Variants in PLCB1 observed in about 807,000 individuals in gnomAD.
PLCB1 encodes the protein 1-phosphatidylinositol 4,5-bisphosphate phosphodiesterase beta-1.
Under a neutral mutation model 161.8 loss-of-function variants are expected in PLCB1, and 46 were observed. The ratio of observed to expected loss-of-function variants is 0.28; its 90% CI spans 0.22 to 0.36. The LOEUF is 0.36. Among genes scored for constraint, PLCB1 ranks in the 10% least tolerant of loss-of-function variants. PLCB1 has a pLI of 1.00. For synonymous variants in PLCB1, 517 were observed against 503.7 expected (o/e 1.03, Z -0.35); for missense variants, 1,016 against 1,472.5 (o/e 0.69, Z 5.07).
At chr20:8,827,574 C>G (rs1318764045) in intron 31 of PLCB1, among the ~76,000 whole-genome samples, 1 of 152,186 alleles carries the variant, frequency 6.6e-6, no homozygotes. Context: ...GTTTCTCAGT[C>G]ACACTAGCAC....
chr20:8,254,839 A>G (rs1022461336), intron 2 of PLCB1, among the ~76,000 whole-genome samples: 6 of 152,200 alleles, frequency 3.9e-5, no homozygotes, highest in African/African-American at 1.4e-4. Flanking sequence ...CTTTATCTTG[A>G]ATAATAAAAT....
intron 26 of PLCB1, among the ~76,000 whole-genome samples, chr20:8,772,696 G>A (rs920451641): frequency 2.6e-5 from 4 of 152,140 alleles, no homozygotes; most frequent in African/African-American, 9.7e-5. Context: ...ACTTTGGGAG[G>A]CCGAGGTGGG....
chr20:8,350,069 A>T (rs2122254828), intron 2 of PLCB1, among the ~76,000 whole-genome samples: 1 of 152,298 alleles, frequency 6.6e-6, no homozygotes, highest in East Asian at 1.9e-4. Context: ...AACAATTGGA[A>T]CTTGAAATTT....
chr20:8,532,682 T>C (rs1353986536), intron 3 of PLCB1, among the ~76,000 whole-genome samples: 1 of 152,032 alleles, frequency 6.6e-6, no homozygotes, highest in Non-Finnish European at 1.5e-5. Flanking sequence ...CGGTTACACT[T>C]CCATTTTCAT....
chr20:8,657,617 T>C (rs1175637300), intron 8 of PLCB1, among the ~76,000 whole-genome samples: 3 of 152,086 alleles, frequency 2.0e-5, no homozygotes, highest in Admixed American at 1.3e-4. Context: ...GAACTCTGGA[T>C]TGGGAACCAG....
At chr20:8,619,226 C>G (rs1319226391) in intron 3 of PLCB1, among the ~76,000 whole-genome samples, 1 of 151,988 alleles carries the variant, frequency 6.6e-6, no homozygotes, top group Non-Finnish European at 1.5e-5. Context: ...TGAGACCAGC[C>G]TGACCAACAT....
chr20:8,844,743 C>T (rs753220892), intron 31 of PLCB1, among the ~76,000 whole-genome samples: 1 of 152,130 alleles, frequency 6.6e-6, no homozygotes, highest in Non-Finnish European at 1.5e-5. Context: ...GTACACTTTT[C>T]CCATAATCCA....
chr20:8,265,511 G>A (rs1981912713), intron 2 of PLCB1, among the ~76,000 whole-genome samples: 1 of 151,774 alleles, frequency 6.6e-6, no homozygotes, highest in South Asian at 2.1e-4. Flanking sequence ...AGCTTTCACA[G>A]GCATTTTTGT....
At chr20:8,275,275 G>GTGTC (rs1982482979) in intron 2 of PLCB1, among the ~76,000 whole-genome samples, 1 of 151,770 alleles carries the variant, frequency 6.6e-6, no homozygotes, top group Non-Finnish European at 1.5e-5. Flanking sequence ...GTGTGTGTGT[G>GTGTC]TGTGTGTGTG....
chr20:8,738,273 A>C (rs935480217), intron 20 of PLCB1, among the ~76,000 whole-genome samples: 1 of 152,234 alleles, frequency 6.6e-6, no homozygotes, highest in Non-Finnish European at 1.5e-5. Context: ...CGACTTCCAC[A>C]ATGGTTGAAC....
intron 3 of PLCB1, among the ~76,000 whole-genome samples, chr20:8,404,146 A>G (rs563625263): frequency 6.6e-6 from 1 of 152,316 alleles, no homozygotes; most frequent in East Asian, 1.9e-4. Flanking sequence ...TATTGAAGGA[A>G]TATTGACAAT....
intron 31 of PLCB1, among the ~76,000 whole-genome samples, chr20:8,851,880 A>T (rs767360534): frequency 3.3e-5 from 5 of 152,142 alleles, no homozygotes; most frequent in Non-Finnish European, 7.4e-5. Context: ...TTTTTCCCCC[A>T]GTACAAGTGT....
intron 23 of PLCB1, chr20:8,751,766 G>A (rs1243120147): frequency 6.6e-6 from 1 of 151,840 alleles, no homozygotes; most frequent in East Asian, 1.9e-4. Flanking sequence ...TTCTTTCCTT[G>A]ATAATTGCTT....
intron 2 of PLCB1, among the ~76,000 whole-genome samples, chr20:8,211,927 C>A (rs1442975332): frequency 6.6e-6 from 1 of 151,976 alleles, no homozygotes; most frequent in African/African-American, 2.4e-5. Flanking sequence ...ATATTATAAG[C>A]CTTTTAATTT....
intron 2 of PLCB1, among the ~76,000 whole-genome samples, chr20:8,252,873 G>C (rs6039111): frequency 1.3e-5 from 2 of 151,728 alleles, no homozygotes; most frequent in African/African-American, 2.4e-5. Context: ...AATGGTTTCT[G>C]TGGTGCCATT....
intron 31 of PLCB1, among the ~76,000 whole-genome samples, chr20:8,815,568 G>A (rs962933891): frequency 2.7e-5 from 4 of 148,056 alleles, no homozygotes; most frequent in Admixed American, 1.3e-4. Context: ...TCATTTAGCC[G>A]ACGTGGAAAG....
intron 31 of PLCB1, among the ~76,000 whole-genome samples, chr20:8,865,621 C>T (rs1005679413): frequency 6.6e-6 from 1 of 152,152 alleles, no homozygotes; most frequent in African/African-American, 2.4e-5. Context: ...TTTATCTCAT[C>T]ATGGCAATTC....
chr20:8,158,996 T>A (rs1442800770), intron 2 of PLCB1, among the ~76,000 whole-genome samples: 6 of 152,052 alleles, frequency 3.9e-5, no homozygotes, highest in Non-Finnish European at 8.8e-5. Context: ...TGTAGGTGGA[T>A]CTACCATTCT....
At chr20:8,493,018 A>T (rs1419908654) in intron 3 of PLCB1, among the ~76,000 whole-genome samples, 1 of 152,114 alleles carries the variant, frequency 6.6e-6, no homozygotes, top group East Asian at 1.9e-4. Flanking sequence ...TCTTATCTCC[A>T]GCTGATTTCT....
Sources: gnomAD v4.1 joint callset for allele counts (sites outside exome capture counted in the v4.1 genomes callset) on GRCh38, gnomAD v4.1.1 for gene constraint, MANE v1.5 for transcripts, NCBI Gene and HGNC (gene_info 2026-07-23, HGNC 2026-07-21) for gene names.